The following ENPP6 variants were observed in gnomAD, a reference collection of about 807,000 sequenced individuals.
ENPP6 encodes glycerophosphocholine cholinephosphodiesterase ENPP6.
ENPP6 carries 32 observed loss-of-function variants against 42.0 expected under a neutral mutation model. The observed-to-expected ratio is 0.76, with a 90% confidence interval of 0.58 to 1.02. The LOEUF is 1.02. ENPP6 is among the 50% of genes least tolerant of loss of function. ENPP6 has a pLI of 0.00. For missense variants in ENPP6, 552 were observed against 566.8 expected (o/e 0.97, Z 0.27); for synonymous variants, 213 against 216.0 (o/e 0.99, Z 0.12).
intron 6 of ENPP6, among the ~76,000 whole-genome samples, chr4:184,102,904 G>T (rs1004887506): frequency 3.3e-5 from 5 of 152,256 alleles, no homozygotes; most frequent in Non-Finnish European, 5.9e-5. Flanking sequence ...TCCCCCAGGT[G>T]GTCGGGATGT....
intron 7 of ENPP6, among the ~76,000 whole-genome samples, chr4:184,092,509 C>A (rs1735825824): frequency 6.6e-6 from 1 of 152,098 alleles, no homozygotes; most frequent in Non-Finnish European, 1.5e-5. Context: ...GTGAGGGACG[C>A]CGAGGGTGAC....
At chr4:184,194,345 C>T (rs1341859167) in intron 1 of ENPP6, among the ~76,000 whole-genome samples, 1 of 152,200 alleles carries the variant, frequency 6.6e-6, no homozygotes, top group Non-Finnish European at 1.5e-5. Flanking sequence ...CGAACAGTCA[C>T]GATGACTGCT....
At chr4:184,099,539 C>T (rs183003828) in intron 6 of ENPP6, among the ~76,000 whole-genome samples, 3 of 152,234 alleles carry the variant, frequency 2.0e-5, no homozygotes, top group Admixed American at 6.5e-5. Context: ...GCCAGGTGCC[C>T]GGGCAGTATG....
At chr4:184,175,069 C>T (rs1341337760) in intron 1 of ENPP6, among the ~76,000 whole-genome samples, 1 of 152,134 alleles carries the variant, frequency 6.6e-6, no homozygotes, top group East Asian at 1.9e-4. Flanking sequence ...ATGTAGTATC[C>T]CCGTCTCTCC....
intron 1 of ENPP6, among the ~76,000 whole-genome samples, chr4:184,208,672 C>T (rs1461588664): frequency 4.7e-5 from 7 of 149,110 alleles, no homozygotes; most frequent in Non-Finnish European, 7.4e-5. Context: ...GAGGGGCGCC[C>T]GCCATTGCCC....
chr4:184,124,411 T>C, intron 2 of ENPP6, 139 bp from the exon 3 acceptor site: 2 of 622,048 alleles, frequency 3.2e-6, no homozygotes, highest in Non-Finnish European at 5.5e-6. Context: ...AAATAACTTA[T>C]TGCTAATAAG....
At chr4:184,152,650 AC>A (rs1040870159) in intron 2 of ENPP6, among the ~76,000 whole-genome samples, 4 of 152,050 alleles carry the variant, frequency 2.6e-5, no homozygotes, top group Admixed American at 1.3e-4. Flanking sequence ...AATGAATCCC[AC>A]CAATGGAAAG....
At chr4:184,162,922 G>A (rs1242311263) in intron 1 of ENPP6, among the ~76,000 whole-genome samples, 1 of 152,068 alleles carries the variant, frequency 6.6e-6, no homozygotes, top group Non-Finnish European at 1.5e-5. Context: ...GCAGCAGCGT[G>A]CCATTACCAC....
At chr4:184,176,768 C>G (rs961533370) in intron 1 of ENPP6, among the ~76,000 whole-genome samples, 2 of 152,190 alleles carry the variant, frequency 1.3e-5, no homozygotes, top group African/African-American at 4.8e-5. Context: ...AATATCAAAG[C>G]ATAAGAGAGA....
chr4:184,119,032 A>G (rs1379351939), intron 3 of ENPP6, among the ~76,000 whole-genome samples: 1 of 152,218 alleles, frequency 6.6e-6, no homozygotes, highest in Admixed American at 6.5e-5. Context: ...AAAATGATCC[A>G]AAACTTAGAA....
intron 6 of ENPP6, among the ~76,000 whole-genome samples, chr4:184,107,781 G>A (rs1282447601): frequency 3.9e-5 from 6 of 152,096 alleles, no homozygotes; most frequent in Non-Finnish European, 8.8e-5. Flanking sequence ...CGGGCGTGGT[G>A]GCGGGCGCCT....
chr4:184,214,972 CAT>C lies in ENPP6; in HGVS notation c.241+2605_241+2606del, dbSNP rs1316327565. 2.6e-5 allele frequency among the ~76,000 whole-genome samples: 4 copies of C among 152,204 alleles called. No homozygotes were observed. The South Asian group carries it at 6.2e-4, about 24-fold the overall frequency. ...CTGTAACAAAACTGCACGTTCTGCA[CAT>C]GTGTCCCAGAATTTAAAGTGAAATA... On this transcript the variant is annotated intron_variant, in intron 1 of 7. Coordinates refer to ENST00000296741, the MANE Select transcript of ENPP6 (RefSeq NM_153343.4).
chr4:184,131,084 GAT>G (rs1364719659), intron 2 of ENPP6, among the ~76,000 whole-genome samples: 1 of 152,106 alleles, frequency 6.6e-6, no homozygotes, highest in East Asian at 1.9e-4. Flanking sequence ...AACTTTATAA[GAT>G]AATGTCAAAG....
intron 1 of ENPP6, among the ~76,000 whole-genome samples, chr4:184,162,072 C>G (rs990944722): frequency 5.9e-5 from 9 of 152,048 alleles, no homozygotes; most frequent in Non-Finnish European, 1.3e-4. Flanking sequence ...GTCTTTCCAG[C>G]AACAACTGCC....
rs750678862 is a variant in ENPP6, at chr4:184,153,601, A to T, written c.374T>A (p.Val125Asp). 5.1e-5 allele frequency: 83 copies of T among 1,614,046 alleles called. No homozygotes were observed. Among genetic ancestry groups the T allele is most frequent in the Non-Finnish European group, 6.6e-5 (78 of 1,180,038 alleles). ...CTTCCTTTTGGCCTTGGTCAGAGTG[A>T]CCCACAGAGGTTCTGATCCATTCCA... ...LWWNGSEPLW[V>D]TLTKAKRKVY... The change falls in exon 2 of 8, where the codon GTC (valine) becomes GAC (aspartate). Residue 125 changes from valine to aspartate, a missense_variant. This residue lies in a region of ENPP6 where 545 missense variants were observed against 546.3 expected (regional missense o/e 1.00). Transcript: ENST00000296741.
At chr4:184,151,638 A>G (rs974896611) in intron 2 of ENPP6, among the ~76,000 whole-genome samples, 6 of 152,220 alleles carry the variant, frequency 3.9e-5, no homozygotes, top group African/African-American at 9.6e-5. Flanking sequence ...GGCCACATTC[A>G]TCTTGATGCT....
rs112864993 is a variant in ENPP6, at chr4:184,130,995, C to T, written c.422-6723G>A. On this transcript the variant is annotated intron_variant, in intron 2 of 7. Coordinates refer to ENST00000296741, the MANE Select transcript of ENPP6 (RefSeq NM_153343.4). ...CGACAGAAACATTTCTGTACACTTT[C>T]TTTGGTGCTCATAGGTATGCATTTC... is the stretch of plus-strand genomic sequence containing the variant. 5.1e-3 allele frequency among the ~76,000 whole-genome samples: 783 copies of T among 152,262 alleles called. 11 individuals are homozygous for T. The highest frequency in any genetic ancestry group is 0.018 in the African/African-American group (747 of 41,550).
intron 1 of ENPP6, among the ~76,000 whole-genome samples, chr4:184,201,765 G>C (rs1359580966): frequency 6.6e-6 from 1 of 151,854 alleles, no homozygotes; most frequent in African/African-American, 2.4e-5. Context: ...GGCATGGCTG[G>C]TTAGTAGTGC....
At chr4:184,176,378 C>T (rs1296952274) in intron 1 of ENPP6, among the ~76,000 whole-genome samples, 1 of 152,122 alleles carries the variant, frequency 6.6e-6, no homozygotes, top group African/African-American at 2.4e-5. Flanking sequence ...CTATAATTAC[C>T]CTCTTCTTAA....
Sources: allele counts gnomAD v4.1 joint callset (sites outside exome capture counted in the v4.1 genomes callset), GRCh38; gene constraint gnomAD v4.1.1; regional missense constraint gnomAD v4.1.1; transcripts MANE v1.5; gene names NCBI Gene and HGNC (gene_info 2026-07-23, HGNC 2026-07-21).